Variants in CNTNAP4 observed in about 807,000 individuals in gnomAD.
CNTNAP4 encodes contactin associated protein family member 4, also known as contactin-associated protein-like 4.
A neutral mutation model predicts 148.4 loss-of-function variants in CNTNAP4; 98 were observed. The observed-to-expected ratio is 0.66, with a 90% CI of 0.56 to 0.78. The LOEUF is 0.78. Among genes scored for constraint, CNTNAP4 ranks in the 30% least tolerant of loss-of-function variants. The pLI, the probability that CNTNAP4 is intolerant of heterozygous loss-of-function variation, is 0.00. For synonymous variants in CNTNAP4, 730 were observed against 565.1 expected (o/e 1.29, Z -4.14); for missense variants, 1,935 against 1,565.6 (o/e 1.24, Z -3.98).
intron 3 of CNTNAP4, among the ~76,000 whole-genome samples, chr16:76,405,194 A>G (rs1366840865): frequency 6.6e-6 from 1 of 152,174 alleles, no homozygotes; most frequent in African/African-American, 2.4e-5. Context: ...ACACTTATAA[A>G]CACTTAACCC....
chr16:76,515,542 C>A, intron 15 of CNTNAP4, among the ~76,000 whole-genome samples: 1 of 152,144 alleles, frequency 6.6e-6, no homozygotes, highest in East Asian at 1.9e-4. Context: ...CCTACCAGCA[C>A]CTTGATCTTT....
chr16:76,395,191 C>T (rs1429768333), intron 3 of CNTNAP4, among the ~76,000 whole-genome samples: 1 of 152,006 alleles, frequency 6.6e-6, no homozygotes, highest in Non-Finnish European at 1.5e-5. Flanking sequence ...TTAAATCAGA[C>T]TTGAAGCTGC....
chr16:76,525,859 C>G (rs918125786), intron 17 of CNTNAP4, among the ~76,000 whole-genome samples: 2 of 147,534 alleles, frequency 1.4e-5, no homozygotes, highest in African/African-American at 2.5e-5. Context: ...ACATATATAA[C>G]TATATATAAA....
Position 76,448,944 on chromosome 16 carries a change from A to G in CNTNAP4, c.920A>G (p.Asp307Gly). ...ARGEFNLMNL[D>G]YEISFGGIPA... ...GGAGAATTCAATCTCATGAATCTTG[A>G]TTATGAGGTGTGATGGTTATGTTTC... is the stretch of plus-strand genomic sequence containing the variant. Residue 307 changes from aspartate to glycine, a missense_variant, in exon 6 of 24, where the codon GAT becomes GGT. Asp to Gly is a moderately conservative substitution (Grantham distance 94). Coordinates refer to ENST00000611870, the MANE Select transcript of CNTNAP4 (RefSeq NM_033401.5). The G allele has an allele frequency of 6.2e-7, 1 of 1,611,740 alleles. No homozygotes were observed. The highest frequency in any genetic ancestry group is 8.5e-7 in the Non-Finnish European group (1 of 1,178,182).
At chr16:76,417,063 A>G (rs937984976) in intron 3 of CNTNAP4, among the ~76,000 whole-genome samples, 2 of 151,368 alleles carry the variant, frequency 1.3e-5, no homozygotes, top group Admixed American at 1.3e-4. Context: ...CGTGTGATAT[A>G]TCTTTCTTCA....
intron 17 of CNTNAP4, among the ~76,000 whole-genome samples, chr16:76,534,221 C>A (rs1315524440): frequency 6.6e-6 from 1 of 152,158 alleles, no homozygotes; most frequent in East Asian, 1.9e-4. Flanking sequence ...GGATGGATTT[C>A]ATAGTTATAA....
intron 3 of CNTNAP4, among the ~76,000 whole-genome samples, chr16:76,406,275 A>G (rs1375422882): frequency 6.6e-6 from 1 of 152,132 alleles, no homozygotes; most frequent in African/African-American, 2.4e-5. Context: ...GCCACAAACC[A>G]TGTTCATATT....
chr16:76,523,271 C>G (rs572464194), intron 17 of CNTNAP4, among the ~76,000 whole-genome samples: 61 of 136,444 alleles, frequency 4.5e-4, no homozygotes, highest in African/African-American at 1.7e-3. Flanking sequence ...ACATCAAAAA[C>G]AGGCCAATAG....
intron 2 of CNTNAP4, among the ~76,000 whole-genome samples, chr16:76,354,495 C>A (rs114331070): frequency 1.2e-3 from 183 of 152,282 alleles, no homozygotes; most frequent in African/African-American, 4.3e-3. Flanking sequence ...TACCCACCAC[C>A]CTGCTCCCAT....
chr16:76,310,100 A>T (rs565635327), intron 1 of CNTNAP4, among the ~76,000 whole-genome samples: 9 of 151,920 alleles, frequency 5.9e-5, no homozygotes, highest in Non-Finnish European at 1.2e-4. Flanking sequence ...GCTAGTTGCT[A>T]CAGGTTCTGT....
chr16:76,487,669 C>A (rs1319408480), intron 12 of CNTNAP4, among the ~76,000 whole-genome samples: 1 of 152,196 alleles, frequency 6.6e-6, no homozygotes, highest in Non-Finnish European at 1.5e-5. Flanking sequence ...CCCTGGAAAT[C>A]TAGATGGCCT....
intron 17 of CNTNAP4, among the ~76,000 whole-genome samples, chr16:76,526,075 G>T (rs892277031): frequency 6.6e-6 from 1 of 152,014 alleles, no homozygotes; most frequent in Non-Finnish European, 1.5e-5. Context: ...GCAGTGATTT[G>T]TGTTGGGGAC....
chr16:76,463,006 TA>T, intron 9 of CNTNAP4, among the ~76,000 whole-genome samples: 1 of 152,332 alleles, frequency 6.6e-6, no homozygotes, highest in Non-Finnish European at 1.5e-5. Flanking sequence ...AATCAGTTTA[TA>T]GGATTCTAAA....
At chr16:76,438,576 A>G (rs923662004) in intron 4 of CNTNAP4, among the ~76,000 whole-genome samples, 1 of 152,074 alleles carries the variant, frequency 6.6e-6, no homozygotes, top group Non-Finnish European at 1.5e-5. Flanking sequence ...GACTTATCCA[A>G]CAAAACTTGA....
At chr16:76,491,252 C>A (rs1205890495) in intron 13 of CNTNAP4, among the ~76,000 whole-genome samples, 1 of 152,164 alleles carries the variant, frequency 6.6e-6, no homozygotes, top group Non-Finnish European at 1.5e-5. Context: ...AACCTCAATT[C>A]TGTGTGCAAA....
intron 3 of CNTNAP4, among the ~76,000 whole-genome samples, chr16:76,360,368 T>A (rs2013256285): frequency 6.6e-6 from 1 of 152,208 alleles, no homozygotes; most frequent in South Asian, 2.1e-4. Context: ...TGCATTTGTT[T>A]TAAGTCAAAT....
At chr16:76,297,278 A>G (rs534743914) in intron 1 of CNTNAP4, among the ~76,000 whole-genome samples, 2 of 152,302 alleles carry the variant, frequency 1.3e-5, no homozygotes, top group African/African-American at 4.8e-5. Flanking sequence ...ACCAATACAC[A>G]TGTATTTGAA....
At chr16:76,538,483 C>A in intron 19 of CNTNAP4, 143 bp downstream of exon 19, 1 of 613,274 alleles carries the variant, frequency 1.6e-6, no homozygotes, top group Non-Finnish European at 2.8e-6. Context: ...ATTTTTAGTA[C>A]TATCCTATAA....
At chr16:76,536,877 A>C (rs2084236970) in intron 18 of CNTNAP4, among the ~76,000 whole-genome samples, 1 of 152,224 alleles carries the variant, frequency 6.6e-6, no homozygotes, top group Non-Finnish European at 1.5e-5. Context: ...TACTTTATTT[A>C]AAGTGTCTCT....
Sources: gnomAD v4.1 joint callset for allele counts (sites outside exome capture counted in the v4.1 genomes callset) on GRCh38, gnomAD v4.1.1 for gene constraint, MANE v1.5 for transcripts, NCBI Gene and HGNC (gene_info 2026-07-23, HGNC 2026-07-21) for gene names.